VEGFD: variants seen among roughly 807,000 people sequenced by gnomAD.
VEGFD encodes vascular endothelial growth factor D, also known as c-fos induced growth factor (vascular endothelial growth factor D).
VEGFD carries 26 observed loss-of-function variants against 28.0 expected under a neutral mutation model. That is an observed-to-expected ratio of 0.93 (90% CI 0.68 to 1.29). The LOEUF (loss-of-function observed/expected upper bound fraction) is 1.29. Among genes scored for constraint, VEGFD ranks in the 50% most tolerant of loss-of-function variants. VEGFD has a pLI of 0.00. For synonymous variants in VEGFD, 93 were observed against 95.5 expected, an observed-to-expected ratio of 0.97 and a Z score of 0.15; for missense variants, 294 against 273.4, an observed-to-expected ratio of 1.08 and a Z score of -0.53.
intron 6 of VEGFD, 72 bp downstream of exon 6, chrX:15,347,092 G>A: frequency 9.9e-7 from 1 of 1,008,171 alleles, no homozygotes; most frequent in South Asian, 2.3e-5. Context: ...GCTTACTAAG[G>A]AATCCCACCA....
Position 15,347,226 on chromosome X carries a change from C to G in VEGFD, c.876G>C (p.Glu292Asp), listed in dbSNP as rs774553099. The change falls in exon 6 of 7, where the codon GAG becomes GAC. Residue 292 changes from glutamate to aspartate, a missense_variant. By Grantham distance (45) the Glu-to-Asp change is conservative (BLOSUM62 2). Transcript: ENST00000297904. ...IQHPKNCSCF[E>D]CKESLETCCQ... ...AGCAGGTCTCCAGACTTTCTTTGCA[C>G]TCAAAGCAACTGCAGTTTTTGGGGT... 8.3e-7 allele frequency: 1 copy of G among 1,211,515 alleles called. No individual in the cohort carries two copies. Among genetic ancestry groups the G allele is most frequent in the South Asian group, 1.8e-5 (1 of 56,900 alleles).
Position 15,351,027 on chromosome X carries a change from A to ATTTT in VEGFD, c.742+2037_742+2040dup, listed in dbSNP as rs35997805. ...CAGGCGCACATCACCATGCCCAGCT[A>ATTTT]TTTTTTTTTTTTTTTTTTTTTTTTT... is the stretch of plus-strand genomic sequence containing the variant. On this transcript the variant is annotated intron_variant, in intron 5 of 6. Coordinates refer to ENST00000297904, the MANE Select transcript of VEGFD (RefSeq NM_004469.5). Among the ~76,000 whole-genome samples, 123 of 14,753 alleles carry ATTTT rather than the reference A, an allele frequency of 8.3e-3. 29 individuals carry two copies. Among genetic ancestry groups the ATTTT allele is most frequent in the Non-Finnish European group, 0.014 (102 of 7,317 alleles). 12.8% of individuals were successfully genotyped at this position (14,753 alleles called of 115,157 possible).
At chrX:15,376,696 T>C (rs927053554) in intron 1 of VEGFD, among the ~76,000 whole-genome samples, 3 of 112,031 alleles carry the variant, frequency 2.7e-5, no homozygotes, top group African/African-American at 9.7e-5. Context: ...CAACATCCTC[T>C]GCACTCTCTA....
At chrX:15,348,175 A>C (rs1922602057) in intron 5 of VEGFD, among the ~76,000 whole-genome samples, 1 of 111,854 alleles carries the variant, frequency 8.9e-6, no homozygotes, top group Non-Finnish European at 1.9e-5. Context: ...TCATTTAGGG[A>C]ATGGTGACAT....
chrX:15,366,189 T>G (rs1923142428), intron 1 of VEGFD, among the ~76,000 whole-genome samples: 1 of 111,020 alleles, frequency 9.0e-6, no homozygotes, highest in Non-Finnish European at 1.9e-5. Flanking sequence ...TTTTTGTATT[T>G]TTATTAGAGA....
At chrX:15,360,487 C>T (rs1480784988) in intron 2 of VEGFD, among the ~76,000 whole-genome samples, 3 of 109,043 alleles carry the variant, frequency 2.8e-5, no homozygotes, top group Admixed American at 9.9e-5. Flanking sequence ...TACAGGTATG[C>T]GCCACCATGC....
At chrX:15,369,777 A>G (rs1203824027) in intron 1 of VEGFD, among the ~76,000 whole-genome samples, 1 of 111,379 alleles carries the variant, frequency 9.0e-6, no homozygotes, top group Non-Finnish European at 1.9e-5. Context: ...TAAATTTCCT[A>G]ATATACTTGA....
chrX:15,367,954 AAAAG>A lies in VEGFD; in HGVS notation c.91-4639_91-4636del, dbSNP rs771145372. Among the ~76,000 whole-genome samples the A allele has an allele frequency of 6.1e-4, 60 of 98,763 alleles. No individual in the cohort carries two copies. The East Asian group carries it at 0.013, about 21-fold the overall frequency. The allele number at this position is 98,763 out of a possible 115,157, so 85.8% of individuals were successfully genotyped here. On this transcript the variant is annotated intron_variant, in intron 1 of 6. Coordinates refer to ENST00000297904, the MANE Select transcript of VEGFD (RefSeq NM_004469.5). ...CCTGGGCAATGGAGCACGATCTTGA[AAAAG>A]AAAGAAAGAAAGAAAGAAAGAAAAA...
intron 1 of VEGFD, among the ~76,000 whole-genome samples, chrX:15,372,559 G>T (rs1923337922): frequency 9.0e-6 from 1 of 110,714 alleles, no homozygotes; most frequent in Non-Finnish European, 1.9e-5. Flanking sequence ...CTCATTTTTT[G>T]GGTCTGGGCT....
intron 3 of VEGFD, among the ~76,000 whole-genome samples, chrX:15,357,582 C>T (rs980185514): frequency 8.9e-6 from 1 of 111,895 alleles, no homozygotes; most frequent in African/African-American, 3.3e-5. Context: ...CTGCCCACAA[C>T]CTTCATTAAA....
intron 6 of VEGFD, among the ~76,000 whole-genome samples, chrX:15,346,802 G>A (rs1186227594): frequency 9.0e-6 from 1 of 110,519 alleles, no homozygotes; most frequent in Non-Finnish European, 1.9e-5. Flanking sequence ...GTGGTGGCAC[G>A]TGCCTGTAAT....
At chrX:15,362,616 G>T (rs967956223) in intron 2 of VEGFD, among the ~76,000 whole-genome samples, 2 of 110,577 alleles carry the variant, frequency 1.8e-5, no homozygotes, top group Non-Finnish European at 3.8e-5. Flanking sequence ...ATGGGGTCTC[G>T]TCATGTTGCC....
At chrX:15,368,045 A>AG (rs1216787775) in intron 1 of VEGFD, among the ~76,000 whole-genome samples, 33 of 94,929 alleles carry the variant, frequency 3.5e-4, no homozygotes, top group African/African-American at 1.0e-3. Context: ...GAAGAAAGAA[A>AG]GAAAGAAGAA....
At position 15,347,354 on chromosome X, in the gene VEGFD, A is replaced by G. The variant is rs1922580577; in HGVS notation, c.748T>C (p.Ser250Pro). ...ENPLAGTEDH[S>P]HLQEPALCGP... ...CAGAGAGCTGGTTCCTGGAGATGAG[A>G]GTGGTCTAAAGAGAAACAGAAACGT... The change falls in exon 6 of 7, where the codon TCT becomes CCT. Residue 250 changes from serine (S) to proline (P), a missense_variant. Coordinates refer to ENST00000297904, the MANE Select transcript of VEGFD (RefSeq NM_004469.5). The G allele has an allele frequency of 8.4e-7, 1 of 1,196,652 alleles. No individual in the cohort carries two copies.
At chrX:15,358,266 A>C in intron 2 of VEGFD, 73 bp from the exon 3 acceptor site, 2 of 878,423 alleles carry the variant, frequency 2.3e-6, no homozygotes, top group East Asian at 3.2e-5. Flanking sequence ...TGCCAGGGTT[A>C]TGCTGAACAC....
At chrX:15,355,884 G>GCTTA (rs1922855943) in intron 3 of VEGFD, among the ~76,000 whole-genome samples, 1 of 112,009 alleles carries the variant, frequency 8.9e-6, no homozygotes, top group Admixed American at 9.5e-5. Context: ...TCACACTGCA[G>GCTTA]CTTAGAGTCA....
At chrX:15,375,733 T>C (rs1368852687) in intron 1 of VEGFD, among the ~76,000 whole-genome samples, 2 of 111,432 alleles carry the variant, frequency 1.8e-5, no homozygotes, top group African/African-American at 6.5e-5. Context: ...GCGTGTGCAT[T>C]TGTGTGAGTG....
At position 15,346,796 on chromosome X, in the gene VEGFD, T is replaced by C. The variant is rs185343337; in HGVS notation, c.938+368A>G. On this transcript the variant is annotated intron_variant, in intron 6 of 6. Transcript: ENST00000297904. ...AAATACAAAAATTAGCTGGGTGTGG[T>C]GGCACGTGCCTGTAATCCCAGCTAC... Among the ~76,000 whole-genome samples the C allele has an allele frequency of 1.4e-3, 159 of 110,783 alleles. 1 individual carries two copies. The highest frequency in any genetic ancestry group is 5.1e-3 in the African/African-American group (156 of 30,433).
chrX:15,368,070 GA>G (rs1569186713), intron 1 of VEGFD, among the ~76,000 whole-genome samples: 52 of 92,566 alleles, frequency 5.6e-4, no homozygotes, highest in Middle Eastern at 6.0e-3. Context: ...AGGAAAGAAA[GA>G]AAGAAAGAAA....
Sources: allele counts gnomAD v4.1 joint callset (sites outside exome capture counted in the v4.1 genomes callset), GRCh38; gene constraint gnomAD v4.1.1; transcripts MANE v1.5; gene names NCBI Gene and HGNC (gene_info 2026-07-23, HGNC 2026-07-21).